Variants in PPP2R5E observed in about 807,000 individuals in gnomAD.
PPP2R5E encodes serine/threonine-protein phosphatase 2A 56 kDa regulatory subunit epsilon isoform.
PPP2R5E carries 4 observed loss-of-function variants against 65.3 expected under a neutral mutation model. The observed-to-expected ratio is 0.06, with a 90% CI of 0.03 to 0.14. PPP2R5E has a LOEUF of 0.14. Among genes scored for constraint, PPP2R5E ranks in the 10% least tolerant of loss-of-function variants. PPP2R5E has a pLI of 1.00. For synonymous variants in PPP2R5E, 183 were observed against 187.4 expected, an observed-to-expected ratio of 0.98 and a Z score of 0.19; for missense variants, 274 against 556.1, an observed-to-expected ratio of 0.49 and a Z score of 5.10.
chr14:63,430,413 A>ACATACATGCATACATGCATACATACATG (rs1338948746), intron 3 of PPP2R5E, among the ~76,000 whole-genome samples: 2 of 143,474 alleles, frequency 1.4e-5, no homozygotes, highest in African/African-American at 5.4e-5. Context: ...ATACATACAT[A>ACATACATGCATACATGCATACATACATG]CATACATGCA....
chr14:63,524,576 A>T (rs1362294777), intron 2 of PPP2R5E, among the ~76,000 whole-genome samples: 3 of 152,174 alleles, frequency 2.0e-5, no homozygotes, highest in Non-Finnish European at 4.4e-5. Context: ...TTCCCCAAAG[A>T]TGGAGGGATG....
At position 63,389,763 on chromosome 14, in the gene PPP2R5E, G is replaced by A. The variant is rs767765841; in HGVS notation, c.955-32C>T. ...GTACAAGCAAAATACAAGATGTGAGGCACATCATGAAAAAAAATCCATAAG... is the reference window on the plus strand; with the variant it reads ...GTACAAGCAAAATACAAGATGTGAGACACATCATGAAAAAAAATCCATAAG... On this transcript the variant is annotated intron_variant, in intron 10 of 13. Coordinates refer to ENST00000337537, the MANE Select transcript of PPP2R5E (RefSeq NM_006246.5). 7.2e-6 allele frequency: 11 copies of A among 1,528,930 alleles called. No individual in the cohort carries two copies. In the African/African-American group the frequency reaches 1.1e-4, roughly 16 times the overall value. The allele number at this position is 1,528,930 out of a possible 1,614,324, so 94.7% of individuals were successfully genotyped here. A position where few individuals can be genotyped will look rare whatever the true frequency, so the allele number is the denominator to read the frequency against.
chr14:63,415,845 CA>C (rs1415148151), intron 4 of PPP2R5E, among the ~76,000 whole-genome samples: 1 of 152,162 alleles, frequency 6.6e-6, no homozygotes. Flanking sequence ...CAACGTGCAT[CA>C]CATAACATAC....
chr14:63,534,627 G>A (rs1893592555), intron 2 of PPP2R5E, among the ~76,000 whole-genome samples: 2 of 152,106 alleles, frequency 1.3e-5, no homozygotes, highest in Admixed American at 1.3e-4. Flanking sequence ...AGAAAAAAAT[G>A]TTTTTATTTT....
intron 2 of PPP2R5E, among the ~76,000 whole-genome samples, chr14:63,477,731 C>T (rs1032708746): frequency 1.3e-5 from 2 of 151,960 alleles, no homozygotes; most frequent in Non-Finnish European, 2.9e-5. Flanking sequence ...CTATACAATA[C>T]AGGATCTTAC....
chr14:63,526,526 T>TTCTC (rs1158730464), intron 2 of PPP2R5E, among the ~76,000 whole-genome samples: 1 of 150,828 alleles, frequency 6.6e-6, no homozygotes, highest in South Asian at 2.1e-4. Flanking sequence ...CTCTTTCTCT[T>TTCTC]TCTCTCTCTC....
At chr14:63,494,969 T>C (rs1455290580) in intron 2 of PPP2R5E, among the ~76,000 whole-genome samples, 1 of 151,872 alleles carries the variant, frequency 6.6e-6, no homozygotes, top group South Asian at 2.1e-4. Context: ...TTTGGAAGGC[T>C]GAGGCAGGCG....
intron 5 of PPP2R5E, among the ~76,000 whole-genome samples, chr14:63,408,038 T>C (rs982207456): frequency 6.6e-6 from 1 of 152,188 alleles, no homozygotes; most frequent in African/African-American, 2.4e-5. Flanking sequence ...ACATTATTTT[T>C]CCCTAAAATA....
chr14:63,486,443 A>G (rs748840178), intron 2 of PPP2R5E, among the ~76,000 whole-genome samples: 20 of 152,262 alleles, frequency 1.3e-4, no homozygotes, highest in Admixed American at 6.5e-4. Context: ...CTTTTCTGGT[A>G]TAAGTTACAC....
intron 3 of PPP2R5E, among the ~76,000 whole-genome samples, chr14:63,429,155 A>G (rs1013146161): frequency 8.5e-5 from 13 of 152,210 alleles, no homozygotes; most frequent in Non-Finnish European, 2.9e-5. Flanking sequence ...CCACAGTATA[A>G]CAAGTCAATT....
chr14:63,521,894 T>C (rs111522673), intron 2 of PPP2R5E, among the ~76,000 whole-genome samples: 1,620 of 151,848 alleles, frequency 0.011, 19 homozygotes, highest in South Asian at 0.073. Context: ...TTTGATGAGG[T>C]TGTGCAACCA....
chr14:63,502,503 T>A (rs1269085789), intron 2 of PPP2R5E, among the ~76,000 whole-genome samples: 2 of 151,730 alleles, frequency 1.3e-5, no homozygotes, highest in Non-Finnish European at 2.9e-5. Flanking sequence ...CCCATCTCTA[T>A]TAAAAATACA....
At chr14:63,383,466 G>A (rs1224462696) in intron 12 of PPP2R5E, among the ~76,000 whole-genome samples, 1 of 152,158 alleles carries the variant, frequency 6.6e-6, no homozygotes, top group Non-Finnish European at 1.5e-5. Context: ...ACCAAATGTA[G>A]TATACTGAGT....
chr14:63,495,417 C>CAAAAAA lies in PPP2R5E; in HGVS notation c.158-41538_158-41533dup, dbSNP rs772700927. On this transcript the variant is annotated intron_variant, in intron 2 of 13. Transcript: ENST00000337537. ...CAAAACCCCATCTCTACTAAAAATA[C>CAAAAAA]AAAAAAAAAAAAAAAAATTAGCTGG... Among the ~76,000 whole-genome samples, 273 of 93,226 alleles carry CAAAAAA rather than the reference C, an allele frequency of 2.9e-3. 5 individuals carry two copies. The highest frequency in any genetic ancestry group is 9.0e-3 in the African/African-American group (245 of 27,082). 61.2% of individuals were successfully genotyped at this position (93,226 alleles called of 152,430 possible). A position where few individuals can be genotyped will look rare whatever the true frequency, so the allele number is the denominator to read the frequency against.
At chr14:63,403,245 T>A (rs1885859316) in intron 5 of PPP2R5E, among the ~76,000 whole-genome samples, 2 of 152,012 alleles carry the variant, frequency 1.3e-5, no homozygotes, top group Admixed American at 6.6e-5. Context: ...TGGGCTAACA[T>A]GGTGAAACCC....
At chr14:63,394,186 A>G (rs1030492138) in intron 7 of PPP2R5E, among the ~76,000 whole-genome samples, 2 of 145,666 alleles carry the variant, frequency 1.4e-5, no homozygotes, top group African/African-American at 2.6e-5. Flanking sequence ...GATTCAAGCT[A>G]TTCCTATGCC....
chr14:63,387,005 T>A (rs1221156549), intron 11 of PPP2R5E, among the ~76,000 whole-genome samples: 2 of 151,604 alleles, frequency 1.3e-5, no homozygotes, highest in Admixed American at 1.3e-4. Context: ...GAAAGGGCAT[T>A]CCAGGTAGAG....
intron 11 of PPP2R5E, among the ~76,000 whole-genome samples, chr14:63,387,514 C>T (rs1357058454): frequency 6.6e-6 from 1 of 152,082 alleles, no homozygotes; most frequent in African/African-American, 2.4e-5. Context: ...AAGTGTCTGG[C>T]TACATAAGGC....
chr14:63,379,818 TTC>T (rs770094217), intron 13 of PPP2R5E, among the ~76,000 whole-genome samples: 6 of 117,014 alleles, frequency 5.1e-5, no homozygotes, highest in South Asian at 2.5e-4. Context: ...TTCTTCAATA[TTC>T]TCTCTCTTTT....
Sources: gnomAD v4.1 joint callset for allele counts (sites outside exome capture counted in the v4.1 genomes callset) on GRCh38, gnomAD v4.1.1 for gene constraint, MANE v1.5 for transcripts, NCBI Gene and HGNC (gene_info 2026-07-23, HGNC 2026-07-21) for gene names.